The following ZNF879 variants were observed in gnomAD, a reference collection of about 807,000 sequenced individuals.
The protein encoded by ZNF879 is zinc finger protein 879.
A neutral mutation model predicts 44.3 loss-of-function variants in ZNF879; 32 were observed. The observed-to-expected ratio is 0.72, with a 90% CI of 0.54 to 0.97. ZNF879 has a LOEUF of 0.97. Ranked by LOEUF, ZNF879 falls within the 50% of genes least tolerant of loss-of-function variation. ZNF879 has a pLI of 0.00. For synonymous variants in ZNF879, 234 were observed against 233.2 expected, an observed-to-expected ratio of 1.00 and a Z score of -0.03; for missense variants, 621 against 669.7, an observed-to-expected ratio of 0.93 and a Z score of 0.80.
rs1761496115 is a variant in ZNF879 at position 179,033,478 on chromosome 5, A to G, written c.1530A>G (p.Lys510=). The change falls in exon 5 of 5, where the codon AAA becomes AAG. Residue 510 remains lysine, a synonymous_variant. Coordinates refer to ENST00000444149, the MANE Select transcript of ZNF879 (RefSeq NM_001136116.3). ...ACCAGAGAATTCATACTGGAGAGAA[A>G]CCATATAATTGTAAAGTGTGTGGGA... is the stretch of plus-strand genomic sequence containing the variant. ...IQHQRIHTGE[K]PYNCKVCGKA... is the part of the protein sequence containing the mutation. 6.4e-7 allele frequency: 1 copy of G among 1,564,984 alleles called. No homozygotes were observed.
chr5:179,032,984 T>G lies in ZNF879; in HGVS notation c.1036T>G (p.Cys346Gly), dbSNP rs910541761. Residue 346 changes from cysteine (C) to glycine (G), a missense_variant, in exon 5 of 5, where the codon TGT (cysteine) becomes GGT (glycine). Physicochemically the swap from Cys to Gly is radical, Grantham distance 159 (BLOSUM62 -3). Transcript: ENST00000444149. ...TCATACTGGGGAGAAACCGTATGAA[T>G]GTACTCAGTGTGGGAAAGCCTTCAC... ...RIHTGEKPYE[C>G]TQCGKAFTSI... The G allele has an allele frequency of 2.6e-6, 4 of 1,556,754 alleles. No individual in the cohort carries two copies. The African/African-American group carries it at 4.1e-5, about 16-fold the overall frequency.
At chr5:179,025,125 T>A in intron 2 of ZNF879, 88 bp downstream of exon 2, 12 of 1,441,900 alleles carry the variant, frequency 8.3e-6, no homozygotes, top group Non-Finnish European at 1.1e-5. Context: ...CTCTACCCAG[T>A]GAAGCTCAGG....
rs1285218209 is a variant in ZNF879, at chr5:179,025,676, G to A, written c.33+639G>A. ...GAGGCCCTGTATTCCCAGGACCTTG[G>A]GAGGCCAAGGTGGGCAGATCACTTG... On this transcript the variant is annotated intron_variant, in intron 2 of 4. Transcript: ENST00000444149. Among the ~76,000 whole-genome samples the A allele has an allele frequency of 3.3e-5, 5 of 152,114 alleles. No homozygotes were observed. In the East Asian group the frequency reaches 9.7e-4, roughly 29 times the overall value.
rs186960267 is a variant in ZNF879, at chr5:179,028,127, G to A, written c.256G>A (p.Gly86Arg). 389 of 1,551,360 alleles carry A rather than the reference G, an allele frequency of 2.5e-4. 4 individuals are homozygous for A. The East Asian group carries it at 7.7e-3, about 31-fold the overall frequency. ...TGGAGTTCCCCAAGGCGCACATCTC[G>A]GTGAGTGACAGAGTAATTGGGAGAT... ...ESGVPQGAHL[G>R]WESLFGTIVS... Residue 86 changes from glycine (G) to arginine (R), a missense_variant and splice_region_variant, in exon 4 of 5, where the codon GGA becomes AGA. Coordinates refer to ENST00000444149, the MANE Select transcript of ZNF879 (RefSeq NM_001136116.3).
intron 2 of ZNF879, among the ~76,000 whole-genome samples, chr5:179,026,102 A>G (rs1761262646): frequency 6.6e-6 from 1 of 151,152 alleles, no homozygotes. Context: ...AAAAAAAAAA[A>G]CAAAGAAAGA....
chr5:179,032,893 C>T lies in ZNF879; in HGVS notation c.945C>T (p.Pro315=), dbSNP rs532848191. The change falls in exon 5 of 5, where the codon CCC becomes CCT. Residue 315 remains proline, a synonymous_variant. Coordinates refer to ENST00000444149, the MANE Select transcript of ZNF879 (RefSeq NM_001136116.3). Reference sequence around the variant, plus strand: ...AGCGAATTCACACAGGAGAGAAGCCCTATAAGTGTAATGAATGTGGGAGGG... The same window carrying T: ...AGCGAATTCACACAGGAGAGAAGCCTTATAAGTGTAATGAATGTGGGAGGG... The part of the protein sequence containing the change: ...NHQRIHTGEK[P]YKCNECGRAF... The T allele has an allele frequency of 2.3e-5, 36 of 1,570,876 alleles. No individual in the cohort carries two copies. Among genetic ancestry groups the T allele is most frequent in the African/African-American group, 9.5e-5 (7 of 73,608 alleles).
chr5:179,033,113 A>G lies in ZNF879; in HGVS notation c.1165A>G (p.Ile389Val). Residue 389 changes from isoleucine (I) to valine (V), a missense_variant, in exon 5 of 5, where the codon ATA (isoleucine) becomes GTA (valine). Ile to Val is a conservative substitution (Grantham distance 29, BLOSUM62 3). Coordinates refer to ENST00000444149, the MANE Select transcript of ZNF879 (RefSeq NM_001136116.3). The part of the protein sequence containing the change: ...KVFSYHSALI[I>V]HQRIHTGEKP... ...ATTCAGCTATCACTCAGCCCTTATC[A>G]TACATCAGAGAATTCACACTGGTGA... 3.2e-6 allele frequency: 5 copies of G among 1,579,094 alleles called. No individual in the cohort carries two copies. The highest frequency in any genetic ancestry group is 4.3e-6 in the Non-Finnish European group (5 of 1,162,314).
In ZNF879 at chr5:179,028,141, T is replaced by G; in HGVS notation, c.256+14T>G. The G allele has an allele frequency of 6.5e-7, 1 of 1,549,808 alleles. No individual in the cohort carries two copies. Among genetic ancestry groups the G allele is most frequent in the Non-Finnish European group, 8.7e-7 (1 of 1,145,686 alleles). On this transcript the variant is annotated intron_variant, in intron 4 of 4. Transcript: ENST00000444149. Reference sequence around the variant, plus strand: ...GCGCACATCTCGGTGAGTGACAGAGTAATTGGGAGATGGGCATAACATTTT... The same window carrying G: ...GCGCACATCTCGGTGAGTGACAGAGGAATTGGGAGATGGGCATAACATTTT...
At chr5:179,027,633 A>G in intron 3 of ZNF879, 34 bp downstream of exon 3, 9 of 1,609,672 alleles carry the variant, frequency 5.6e-6, no homozygotes, top group Non-Finnish European at 7.6e-6. Flanking sequence ...AGAATCTGCC[A>G]GGAGAGCACC....
Position 179,032,675 on chromosome 5 carries a change from C to A in ZNF879, c.727C>A (p.Gln243Lys). The change falls in exon 5 of 5, where the codon CAA becomes AAA. Residue 243 changes from glutamine to lysine, a missense_variant. Transcript: ENST00000444149. ...TAAGGAATGTAGGAAAGCCTTCAGC[C>A]AAAGCTCATCCCTAACTCAGCACTT... ...KCKECRKAFS[Q>K]SSSLTQHLRV... is the part of the protein sequence containing the mutation. 6.4e-7 allele frequency: 1 copy of A among 1,564,716 alleles called. No homozygotes were observed. The highest frequency in any genetic ancestry group is 8.7e-7 in the Non-Finnish European group (1 of 1,154,782).
intron 4 of ZNF879, 55 bp downstream of exon 4, chr5:179,028,182 C>T: frequency 1.3e-6 from 2 of 1,492,558 alleles, no homozygotes; most frequent in South Asian, 2.4e-5. Flanking sequence ...TGCCAGGGCA[C>T]AGCGAGGAGG....
intron 1 of ZNF879, among the ~76,000 whole-genome samples, chr5:179,024,276 A>C (rs1761196115): frequency 6.6e-6 from 1 of 152,152 alleles, no homozygotes; most frequent in African/African-American, 2.4e-5. Flanking sequence ...TAAACTTTAG[A>C]TTTACTCGTT....
rs977766757 is a variant in ZNF879, at chr5:179,023,882, G to C, written c.-58G>C. On this transcript the variant is annotated 5_prime_UTR_variant, in exon 1 of 5. Coordinates refer to ENST00000444149, the MANE Select transcript of ZNF879 (RefSeq NM_001136116.3). ...CCTCTTGTGCGGTGTGGAGCTGCGC[G>C]CCCCCCGCCGAGGCGGGCCCAGGTA... 6.6e-6 allele frequency: 1 copy of C among 152,392 alleles called. No homozygotes were observed. The allele number at this position is 152,392 out of a possible 1,614,324, so 9.4% of individuals were successfully genotyped here.
chr5:179,025,158 C>G lies in ZNF879; in HGVS notation c.33+121C>G. ...AGGGAAGGACCAGAGGGCTTGGTAG[C>G]TGAGAAACTCTGGAAGGAAGGTGTT... is the stretch of plus-strand genomic sequence containing the variant. On this transcript the variant is annotated intron_variant, in intron 2 of 4. Transcript: ENST00000444149. 3 of 1,051,426 alleles carry G rather than the reference C, an allele frequency of 2.9e-6. No homozygotes were observed. In the South Asian group the frequency reaches 4.4e-5, roughly 16 times the overall value. The allele number at this position is 1,051,426 out of a possible 1,614,324, so 65.1% of individuals were successfully genotyped here.
intron 2 of ZNF879, among the ~76,000 whole-genome samples, chr5:179,026,653 A>AT (rs1230395899): frequency 4.6e-5 from 7 of 151,982 alleles, no homozygotes; most frequent in Non-Finnish European, 8.8e-5. Flanking sequence ...CAATTAATTA[A>AT]AAAAAAATTA....
chr5:179,024,796 G>A (rs1439465152), intron 1 of ZNF879, 174 bp from the exon 2 acceptor site: 3 of 581,390 alleles, frequency 5.2e-6, no homozygotes, highest in Non-Finnish European at 6.1e-6. Flanking sequence ...CGGTGACTCT[G>A]AACCTGCTTC....
intron 4 of ZNF879, among the ~76,000 whole-genome samples, chr5:179,031,031 C>T (rs775728709): frequency 6.6e-5 from 10 of 152,288 alleles, no homozygotes; most frequent in African/African-American, 9.6e-5. Context: ...ATCCCAGATA[C>T]GCCCACCTCT....
Position 179,032,182 on chromosome 5 carries a change from C to G in ZNF879, c.257-23C>G, listed in dbSNP as rs773495450. On this transcript the variant is annotated intron_variant, in intron 4 of 4. Coordinates refer to ENST00000444149, the MANE Select transcript of ZNF879 (RefSeq NM_001136116.3). ...TTTAAAATTCTGAGTTCAAGAGAGA[C>G]TTATATGTTTTGTCTACTTTAGGAT... The G allele has an allele frequency of 1.0e-4, 150 of 1,458,348 alleles. 1 individual carries two copies. The highest frequency in any genetic ancestry group is 1.2e-5 in the Non-Finnish European group (13 of 1,100,100). The allele number at this position is 1,458,348 out of a possible 1,614,324, so 90.3% of individuals were successfully genotyped here.
chr5:179,031,479 T>C (rs181110370), intron 4 of ZNF879, among the ~76,000 whole-genome samples: 7 of 152,350 alleles, frequency 4.6e-5, no homozygotes, highest in Non-Finnish European at 1.0e-4. Flanking sequence ...GCGCTTGTTA[T>C]TTAGATCTCA....
Sources: allele counts gnomAD v4.1 joint callset (sites outside exome capture counted in the v4.1 genomes callset), GRCh38; gene constraint gnomAD v4.1.1; transcripts MANE v1.5; gene names NCBI Gene and HGNC (gene_info 2026-07-23, HGNC 2026-07-21).